PLCE1: variants seen among roughly 807,000 people sequenced by gnomAD.
PLCE1 encodes the protein 1-phosphatidylinositol 4,5-bisphosphate phosphodiesterase epsilon-1.
Under a neutral mutation model 242.8 loss-of-function variants are expected in PLCE1, and 119 were observed. The observed-to-expected ratio is 0.49, with a 90% CI of 0.42 to 0.57. The LOEUF is 0.57. PLCE1 is among the 20% of genes least tolerant of loss of function. PLCE1 has a pLI of 0.00. For missense variants in PLCE1, 2,441 were observed against 2,788.8 expected, an observed-to-expected ratio of 0.88 and a Z score of 2.81; for synonymous variants, 945 against 1,017.4, an observed-to-expected ratio of 0.93 and a Z score of 1.35.
At chr10:94,089,396 A>C (rs778131687) in intron 2 of PLCE1, 1 of 1,553,566 alleles carries the variant, frequency 6.4e-7, no homozygotes, top group South Asian at 1.2e-5. Context: ...CTTGTTGTCT[A>C]AGAAATCCCC....
chr10:94,115,886 G>A lies in PLCE1; in HGVS notation c.1207-16288G>A, dbSNP rs192509512. 1.3e-3 allele frequency among the ~76,000 whole-genome samples: 191 copies of A among 152,210 alleles called. 3 individuals are homozygous for A. Among genetic ancestry groups the A allele is most frequent in the Admixed American group, 0.012 (180 of 15,298 alleles). Reference sequence around the variant, plus strand: ...CTTCTCACTTATTGTTTCCTGCCTCGTGTTAACTTTCCCTCTTACCTGCCT... The same window carrying A: ...CTTCTCACTTATTGTTTCCTGCCTCATGTTAACTTTCCCTCTTACCTGCCT... On this transcript the variant is annotated intron_variant, in intron 2 of 32. Coordinates refer to ENST00000371380, the MANE Select transcript of PLCE1 (RefSeq NM_016341.4).
At chr10:94,036,561 G>C (rs1244435730) in intron 2 of PLCE1, among the ~76,000 whole-genome samples, 1 of 151,968 alleles carries the variant, frequency 6.6e-6, no homozygotes, top group East Asian at 1.9e-4. Context: ...ACTAACTACT[G>C]GTATCCTCCT....
At chr10:94,240,057 C>A (rs974513480) in intron 7 of PLCE1, among the ~76,000 whole-genome samples, 5 of 152,130 alleles carry the variant, frequency 3.3e-5, no homozygotes, top group Non-Finnish European at 7.3e-5. Flanking sequence ...CACCTGAGAC[C>A]CAACATGATT....
chr10:94,118,226 A>G (rs1203672233), intron 2 of PLCE1, among the ~76,000 whole-genome samples: 2 of 151,924 alleles, frequency 1.3e-5, no homozygotes, highest in African/African-American at 2.4e-5. Context: ...TTCTTTTTTA[A>G]TGATTTCCAT....
intron 30 of PLCE1, among the ~76,000 whole-genome samples, chr10:94,323,544 G>C (rs1000334440): frequency 2.6e-5 from 4 of 152,208 alleles, no homozygotes; most frequent in Admixed American, 6.5e-5. Flanking sequence ...TACATGGTAA[G>C]TCACCACATA....
At chr10:94,077,053 A>G (rs753229021) in intron 2 of PLCE1, among the ~76,000 whole-genome samples, 2 of 152,258 alleles carry the variant, frequency 1.3e-5, no homozygotes, top group South Asian at 2.1e-4. Context: ...GACTTTTTCT[A>G]TAACATAAAC....
At chr10:94,212,552 A>G (rs1427183927) in intron 4 of PLCE1, among the ~76,000 whole-genome samples, 8 of 152,096 alleles carry the variant, frequency 5.3e-5, no homozygotes, top group Admixed American at 1.3e-4. Context: ...CACCACGCCC[A>G]GCCAATTTTT....
Position 94,234,288 on chromosome 10 carries a change from C to T in PLCE1, c.2190C>T (p.Tyr730=), listed in dbSNP as rs753018322. ...GTCTCATGAAGCTTTGCCCGCGGTA[C>T]AATTCCCAAGAAGAAACTTTAGAGG... ...ASGLMKLCPR[Y]NSQEETLEFV... is the part of the protein sequence containing the mutation. Residue 730 remains tyrosine, a synonymous_variant, in exon 6 of 33, where the codon TAC becomes TAT. Transcript: ENST00000371380. The T allele has an allele frequency of 6.2e-7, 1 of 1,614,062 alleles. No individual in the cohort carries two copies. Among genetic ancestry groups the T allele is most frequent in the South Asian group, 1.1e-5 (1 of 91,074 alleles).
intron 6 of PLCE1, chr10:94,235,661 ATT>A: frequency 1.1e-6 from 1 of 915,374 alleles, no homozygotes; most frequent in Non-Finnish European, 1.3e-6. Context: ...CTGAAATAAT[ATT>A]TTTTTTGTTT....
At chr10:94,209,401 T>G (rs1331873671) in intron 4 of PLCE1, among the ~76,000 whole-genome samples, 1 of 152,250 alleles carries the variant, frequency 6.6e-6, no homozygotes, top group African/African-American at 2.4e-5. Context: ...AATAAATCTT[T>G]TAGTCCATTT....
At chr10:94,154,987 A>G (rs2047385836) in intron 3 of PLCE1, among the ~76,000 whole-genome samples, 2 of 151,566 alleles carry the variant, frequency 1.3e-5, no homozygotes, top group Admixed American at 6.6e-5. Flanking sequence ...AAAGAAAACT[A>G]GTGTTGACAA....
intron 22 of PLCE1, among the ~76,000 whole-genome samples, chr10:94,290,304 C>T (rs982100927): frequency 6.6e-6 from 1 of 151,470 alleles, no homozygotes; most frequent in Non-Finnish European, 1.5e-5. Flanking sequence ...CATGAGCCAT[C>T]GCACCCGGCC....
At chr10:94,106,436 A>T (rs1291731573) in intron 2 of PLCE1, among the ~76,000 whole-genome samples, 1 of 152,176 alleles carries the variant, frequency 6.6e-6, no homozygotes, top group African/African-American at 2.4e-5. Context: ...TTATTTTTTC[A>T]GTCCCTGTTG....
intron 3 of PLCE1, among the ~76,000 whole-genome samples, chr10:94,144,315 CTGTG>C (rs750863234): frequency 6.6e-6 from 1 of 151,670 alleles, no homozygotes; most frequent in Non-Finnish European, 1.5e-5. Flanking sequence ...GTGTGTGTCT[CTGTG>C]TGTGTGTGTG....
Position 94,315,769 on chromosome 10 carries a change from C to CA in PLCE1, c.6133-757dup, listed in dbSNP as rs10572287. Among the ~76,000 whole-genome samples the CA allele has an allele frequency of 0.024, 2,909 of 122,744 alleles. 167 individuals are homozygous for CA. In the East Asian group the frequency reaches 0.26, roughly 11 times the overall value. The allele number at this position is 122,744 out of a possible 152,430, so 80.5% of individuals were successfully genotyped here. On this transcript the variant is annotated intron_variant, in intron 28 of 32. Transcript: ENST00000371380. Reference sequence around the variant, plus strand: ...TGGGCGACAGAGGGAGACTCTGTCTCAAAAAAAAAAAAAAAAAAAAAGTAA... The same window carrying CA: ...TGGGCGACAGAGGGAGACTCTGTCTCAAAAAAAAAAAAAAAAAAAAAAGTAA...
At chr10:94,153,026 A>G (rs1312946692) in intron 3 of PLCE1, among the ~76,000 whole-genome samples, 2 of 152,194 alleles carry the variant, frequency 1.3e-5, no homozygotes, top group African/African-American at 4.8e-5. Flanking sequence ...CAAAATATAT[A>G]TAGATTTTCT....
intron 4 of PLCE1, among the ~76,000 whole-genome samples, chr10:94,218,938 A>C (rs1589367748): frequency 6.8e-6 from 1 of 147,266 alleles, no homozygotes; most frequent in Non-Finnish European, 1.5e-5. Context: ...AATTATAATT[A>C]TATTATTATA....
chr10:94,052,817 C>T (rs2043801313), intron 2 of PLCE1, among the ~76,000 whole-genome samples: 1 of 152,116 alleles, frequency 6.6e-6, no homozygotes, highest in South Asian at 2.1e-4. Context: ...CTTTTGAAGA[C>T]TCAAAAAATA....
chr10:94,198,720 T>A (rs928064204), intron 4 of PLCE1, among the ~76,000 whole-genome samples: 1 of 152,194 alleles, frequency 6.6e-6, no homozygotes, highest in African/African-American at 2.4e-5. Flanking sequence ...GGTAGTCTTT[T>A]GAGCCTGGCT....
Sources: allele counts gnomAD v4.1 joint callset (sites outside exome capture counted in the v4.1 genomes callset), GRCh38; gene constraint gnomAD v4.1.1; transcripts MANE v1.5; gene names NCBI Gene and HGNC (gene_info 2026-07-23, HGNC 2026-07-21).